Variants in NKAIN2 observed in about 807,000 individuals in gnomAD.
NKAIN2 encodes sodium/potassium transporting ATPase interacting 2.
NKAIN2 carries 14 observed loss-of-function variants against 32.6 expected under a neutral mutation model. That is an observed-to-expected ratio of 0.43 (90% CI 0.28 to 0.67). The LOEUF (loss-of-function observed/expected upper bound fraction) is 0.67, where lower values mean the gene tolerates loss of function less well. NKAIN2 is among the 30% of genes least tolerant of loss of function. The probability of loss-of-function intolerance (pLI) is 0.17; values close to 1 mark genes in which losing one functional copy is unlikely to be tolerated. For synonymous variants in NKAIN2, 80 were observed against 87.2 expected (o/e 0.92, Z 0.46); for missense variants, 198 against 258.3 (o/e 0.77, Z 1.60).
At chr6:124,026,027 A>G (rs1781094207) in intron 1 of NKAIN2, among the ~76,000 whole-genome samples, 1 of 152,160 alleles carries the variant, frequency 6.6e-6, no homozygotes, top group South Asian at 2.1e-4. Flanking sequence ...ACAGGAAATA[A>G]TTTGAACAAA....
At chr6:124,756,676 C>T (rs1777983642) in intron 4 of NKAIN2, among the ~76,000 whole-genome samples, 2 of 151,726 alleles carry the variant, frequency 1.3e-5, no homozygotes, top group Admixed American at 1.3e-4. Context: ...AAGAAGGCAA[C>T]TTACAATGAA....
chr6:124,258,423 A>G (rs1285161911), intron 1 of NKAIN2, among the ~76,000 whole-genome samples: 1 of 152,194 alleles, frequency 6.6e-6, no homozygotes, highest in Non-Finnish European at 1.5e-5. Context: ...CAAAAAACCA[A>G]AGTTAAGATC....
chr6:124,379,144 AG>A (rs1554197705), intron 3 of NKAIN2, among the ~76,000 whole-genome samples: 7 of 31,630 alleles, frequency 2.2e-4, no homozygotes, highest in Admixed American at 3.8e-4. Flanking sequence ...AGGGGAGGGG[AG>A]GGAGGGAGGG....
intron 1 of NKAIN2, among the ~76,000 whole-genome samples, chr6:123,848,729 AG>A (rs1455488005): frequency 1.3e-5 from 2 of 152,188 alleles, no homozygotes; most frequent in African/African-American, 2.4e-5. Context: ...ACTGAGCCAA[AG>A]GGTGTGTGCT....
chr6:123,906,577 G>A (rs1774884720), intron 1 of NKAIN2, among the ~76,000 whole-genome samples: 1 of 152,158 alleles, frequency 6.6e-6, no homozygotes, highest in African/African-American at 2.4e-5. Flanking sequence ...ACAGGCATGA[G>A]CCACCATGCC....
intron 5 of NKAIN2, among the ~76,000 whole-genome samples, chr6:124,808,718 G>A (rs866599126): frequency 5.9e-5 from 9 of 152,174 alleles, no homozygotes; most frequent in Middle Eastern, 3.2e-3. Context: ...TGATATGATT[G>A]TATATCTAGA....
chr6:124,026,543 T>C (rs115527609), intron 1 of NKAIN2, among the ~76,000 whole-genome samples: 1,892 of 152,250 alleles, frequency 0.012, 30 homozygotes, highest in African/African-American at 0.043. Flanking sequence ...AGCAAGCCTA[T>C]AAAGGGATGA....
At chr6:124,564,687 C>G (rs986606098) in intron 3 of NKAIN2, among the ~76,000 whole-genome samples, 1 of 152,276 alleles carries the variant, frequency 6.6e-6, no homozygotes, top group African/African-American at 2.4e-5. Flanking sequence ...CGGAGGGAAC[C>G]AATCCTGGAC....
chr6:123,894,988 C>T lies in NKAIN2; in HGVS notation c.54+90734C>T, dbSNP rs567468983. On this transcript the variant is annotated intron_variant, in intron 1 of 6. Transcript: ENST00000368417. ...ATACAGACCGGAAGTGGATCTATAG[C>T]GCCCTAGAGGCTCAAGGCATTTATA... Among the ~76,000 whole-genome samples the T allele has an allele frequency of 4.6e-5, 7 of 152,062 alleles. No homozygotes were observed. The East Asian group carries it at 7.7e-4, about 17-fold the overall frequency.
At chr6:124,002,304 A>G (rs1195644410) in intron 1 of NKAIN2, among the ~76,000 whole-genome samples, 3 of 152,168 alleles carry the variant, frequency 2.0e-5, no homozygotes, top group Non-Finnish European at 4.4e-5. Context: ...TGGTAATAAT[A>G]TAAGGTAGCA....
At chr6:124,384,774 T>A (rs149248703) in intron 3 of NKAIN2, among the ~76,000 whole-genome samples, 1 of 152,234 alleles carries the variant, frequency 6.6e-6, no homozygotes, top group East Asian at 1.9e-4. Flanking sequence ...ACCACAGGCA[T>A]GTGTAAACAC....
chr6:124,529,294 A>C (rs1779433804), intron 3 of NKAIN2, among the ~76,000 whole-genome samples: 1 of 152,092 alleles, frequency 6.6e-6, no homozygotes, highest in Non-Finnish European at 1.5e-5. Flanking sequence ...TACGGGGCCC[A>C]CCCTGATGTA....
intron 1 of NKAIN2, among the ~76,000 whole-genome samples, chr6:124,184,117 C>T (rs1321492059): frequency 6.6e-6 from 1 of 152,056 alleles, no homozygotes; most frequent in Admixed American, 6.6e-5. Flanking sequence ...AAAGAAGACA[C>T]TTTTATTATA....
At chr6:124,535,963 G>A (rs918736028) in intron 3 of NKAIN2, among the ~76,000 whole-genome samples, 2 of 152,210 alleles carry the variant, frequency 1.3e-5, no homozygotes, top group East Asian at 3.9e-4. Context: ...GATAAGGTAT[G>A]GGATGCCGAT....
intron 4 of NKAIN2, among the ~76,000 whole-genome samples, chr6:124,735,342 A>G (rs1776883651): frequency 6.6e-6 from 1 of 151,974 alleles, no homozygotes; most frequent in South Asian, 2.1e-4. Context: ...AGAGATAATC[A>G]TAATCACTCA....
intron 3 of NKAIN2, among the ~76,000 whole-genome samples, chr6:124,549,780 G>A (rs1286624999): frequency 6.6e-6 from 1 of 152,144 alleles, no homozygotes; most frequent in Non-Finnish European, 1.5e-5. Flanking sequence ...GCTAGACAGA[G>A]GGTATATGTT....
At chr6:123,989,707 T>A (rs924798169) in intron 1 of NKAIN2, among the ~76,000 whole-genome samples, 1 of 152,194 alleles carries the variant, frequency 6.6e-6, no homozygotes, top group African/African-American at 2.4e-5. Flanking sequence ...CCTAGAGTTA[T>A]ATGGTCACAG....
intron 1 of NKAIN2, among the ~76,000 whole-genome samples, chr6:124,078,862 T>G (rs1783823327): frequency 6.6e-6 from 1 of 151,726 alleles, no homozygotes; most frequent in African/African-American, 2.4e-5. Context: ...GAGATTTTGT[T>G]TATTTTTAAA....
At chr6:124,585,193 A>G (rs973411406) in intron 3 of NKAIN2, among the ~76,000 whole-genome samples, 1 of 152,210 alleles carries the variant, frequency 6.6e-6, no homozygotes, top group African/African-American at 2.4e-5. Context: ...ATAATAAGTA[A>G]AATATGCAGG....
Sources: allele counts gnomAD v4.1 joint callset (sites outside exome capture counted in the v4.1 genomes callset), GRCh38; gene constraint gnomAD v4.1.1; transcripts MANE v1.5; gene names NCBI Gene and HGNC (gene_info 2026-07-23, HGNC 2026-07-21).